The following WDR36 variants were observed in gnomAD, a reference collection of about 807,000 sequenced individuals.
The protein encoded by WDR36 is WD repeat domain 36.
WDR36 carries 63 observed loss-of-function variants against 112.7 expected under a neutral mutation model. The observed-to-expected ratio is 0.56, with a 90% CI of 0.46 to 0.69. The LOEUF is 0.69. Among genes scored for constraint, WDR36 ranks in the 30% least tolerant of loss-of-function variants. The probability of loss-of-function intolerance (pLI) is 0.00; values close to 1 mark genes in which losing one functional copy is unlikely to be tolerated. For missense variants in WDR36, 1,226 were observed against 1,070.3 expected (o/e 1.15, Z -2.03); for synonymous variants, 410 against 362.2 (o/e 1.13, Z -1.50).
At chr5:111,111,371 G>A in intron 15 of WDR36, 93 bp downstream of exon 15, 1 of 996,056 alleles carries the variant, frequency 1.0e-6, no homozygotes, top group South Asian at 1.4e-5. Flanking sequence ...TATATGAGGT[G>A]GTTATCAATT....
At chr5:111,122,320 A>C (rs1460159281) in intron 19 of WDR36, among the ~76,000 whole-genome samples, 1 of 152,246 alleles carries the variant, frequency 6.6e-6, no homozygotes, top group African/African-American at 2.4e-5. Flanking sequence ...ACTAAGATAT[A>C]GTTTATACTG....
At chr5:111,123,774 CT>C in intron 19 of WDR36, 30 bp from the exon 20 acceptor site, 1 of 1,611,368 alleles carries the variant, frequency 6.2e-7, no homozygotes, top group Non-Finnish European at 8.5e-7. Context: ...AAGATAATTC[CT>C]ATTTTTCTTT....
At chr5:111,126,582 G>A in intron 22 of WDR36, 152 bp from the exon 23 acceptor site, 1 of 835,650 alleles carries the variant, frequency 1.2e-6, no homozygotes, top group Non-Finnish European at 1.9e-6. Context: ...GTTTGATAGA[G>A]GAGGGGAAAA....
At chr5:111,124,575 G>A (rs1025022762) in intron 21 of WDR36, among the ~76,000 whole-genome samples, 4 of 151,944 alleles carry the variant, frequency 2.6e-5, no homozygotes, top group East Asian at 1.9e-4. Flanking sequence ...GTAATTCAGC[G>A]GACTGCTTAG....
At chr5:111,120,005 G>C (rs369558895) in intron 17 of WDR36, among the ~76,000 whole-genome samples, 2 of 152,016 alleles carry the variant, frequency 1.3e-5, no homozygotes, top group East Asian at 3.9e-4. Context: ...CTAAAAGACC[G>C]GTATCTACAT....
chr5:111,107,186 T>C, intron 11 of WDR36, 108 bp from the exon 12 acceptor site: 1 of 1,285,560 alleles, frequency 7.8e-7, no homozygotes, highest in Non-Finnish European at 1.1e-6. Context: ...TATTACCTGT[T>C]TGTTTTACCA....
At chr5:111,115,005 C>T (rs1430286186) in intron 16 of WDR36, among the ~76,000 whole-genome samples, 1 of 151,548 alleles carries the variant, frequency 6.6e-6, no homozygotes, top group African/African-American at 2.4e-5. Context: ...TCAGCATTAG[C>T]CTTTTGCTGA....
chr5:111,110,115 A>G, intron 12 of WDR36, 74 bp from the exon 13 acceptor site: 1 of 1,025,302 alleles, frequency 9.8e-7, no homozygotes, highest in South Asian at 1.3e-5. Flanking sequence ...AGTAGATAAA[A>G]AAATGCTTTG....
In WDR36 at chr5:111,128,781, A is replaced by T. The variant is rs993218074; in HGVS notation, c.*1898A>T. On this transcript the variant is annotated 3_prime_UTR_variant, in exon 23 of 23. Coordinates refer to ENST00000513710, the MANE Select transcript of WDR36 (RefSeq NM_139281.3). ...GGAAAGAAATAGAAAATATAATTTTATCTATATTTTCCTTAAAATATATCA... is the reference window on the plus strand; with the variant it reads ...GGAAAGAAATAGAAAATATAATTTTTTCTATATTTTCCTTAAAATATATCA... 5.5e-6 allele frequency: 1 copy of T among 182,090 alleles called. No homozygotes were observed. Among genetic ancestry groups the T allele is most frequent in the Non-Finnish European group, 1.2e-5 (1 of 85,460 alleles). The allele number at this position is 182,090 out of a possible 1,614,324, so 11.3% of individuals were successfully genotyped here.
intron 17 of WDR36, 35 bp downstream of exon 17, chr5:111,119,155 A>G (rs1321942381): frequency 2.0e-6 from 3 of 1,525,398 alleles, no homozygotes; most frequent in Non-Finnish European, 2.7e-6. Context: ...TTTGGGATGA[A>G]GAAGATTGTA....
intron 16 of WDR36, among the ~76,000 whole-genome samples, chr5:111,118,787 A>T (rs189602003): frequency 6.6e-6 from 1 of 152,304 alleles, no homozygotes; most frequent in African/African-American, 2.4e-5. Context: ...CCAGTTAGTC[A>T]GTCTAGTTAA....
chr5:111,095,107 T>A (rs1752947795), intron 2 of WDR36, 160 bp downstream of exon 2: 1 of 676,744 alleles, frequency 1.5e-6, no homozygotes, highest in Non-Finnish European at 2.5e-6. Flanking sequence ...ATAAATCATG[T>A]TTTGCTTTTA....
chr5:111,114,069 A>G (rs950789406), intron 16 of WDR36, among the ~76,000 whole-genome samples: 23 of 152,216 alleles, frequency 1.5e-4, no homozygotes, highest in African/African-American at 4.3e-4. Flanking sequence ...ACAAATGTTC[A>G]GAAATCTGTT....
In WDR36 at chr5:111,111,114, G is replaced by A. The variant is rs1580398385; in HGVS notation, c.1608-56G>A. On this transcript the variant is annotated intron_variant, in intron 14 of 22. Transcript: ENST00000513710. ...GATTTAACAAAATTCAAGTGGAGGT[G>A]AGATTTTAGTTCAAGGGTTTTTTGT... 4.4e-6 allele frequency: 7 copies of A among 1,576,884 alleles called. No homozygotes were observed. In the East Asian group the frequency reaches 9.0e-5, roughly 20 times the overall value.
At chr5:111,105,504 C>G in intron 10 of WDR36, 144 bp downstream of exon 10, 1 of 789,070 alleles carries the variant, frequency 1.3e-6, no homozygotes, top group Non-Finnish European at 2.1e-6. Context: ...TAGTAAGATT[C>G]CTAGCATCAA....
In WDR36 at chr5:111,119,104, C is replaced by T. The variant is rs1203503799; in HGVS notation, c.1888C>T (p.Leu630Phe). 1 of 1,612,186 alleles carries T rather than the reference C, an allele frequency of 6.2e-7. No homozygotes were observed. Among genetic ancestry groups the T allele is most frequent in the Non-Finnish European group, 8.5e-7 (1 of 1,178,470 alleles). Reference sequence around the variant, plus strand: ...TCTGGCAACTTCCCATGTGGACCACCTTGGAATTTATCTATGGTAAGTTCT... The same window carrying T: ...TCTGGCAACTTCCCATGTGGACCACTTTGGAATTTATCTATGGTAAGTTCT... The part of the protein sequence containing the change: ...DFLATSHVDH[L>F]GIYLWSNISL... The change falls in exon 17 of 23, where the codon CTT becomes TTT. Residue 630 changes from leucine to phenylalanine, a missense_variant. Coordinates refer to ENST00000513710, the MANE Select transcript of WDR36 (RefSeq NM_139281.3).
chr5:111,123,010 G>A (rs1386729991), intron 19 of WDR36, among the ~76,000 whole-genome samples: 2 of 152,076 alleles, frequency 1.3e-5, no homozygotes, highest in East Asian at 3.9e-4. Flanking sequence ...TCAGGAGGCT[G>A]AGGCAGGAGA....
intron 5 of WDR36, 116 bp downstream of exon 5, chr5:111,100,837 C>T: frequency 9.4e-7 from 1 of 1,065,616 alleles, no homozygotes; most frequent in Non-Finnish European, 1.3e-6. Context: ...GGAGGGTTGT[C>T]TATAAATAAC....
chr5:111,112,190 G>T (rs1352260500), intron 15 of WDR36, among the ~76,000 whole-genome samples: 5 of 151,874 alleles, frequency 3.3e-5, no homozygotes, highest in Admixed American at 1.3e-4. Flanking sequence ...GTGTCAAGTT[G>T]CTCTTCCTAT....
Sources: gnomAD v4.1 joint callset for allele counts (sites outside exome capture counted in the v4.1 genomes callset) on GRCh38, gnomAD v4.1.1 for gene constraint, MANE v1.5 for transcripts, NCBI Gene and HGNC (gene_info 2026-07-23, HGNC 2026-07-21) for gene names.